Variants in SERINC1 observed in about 807,000 individuals in gnomAD.
SERINC1 encodes serine incorporator 1.
In SERINC1, 38 loss-of-function variants were observed where a neutral mutation model predicts 52.9. The observed-to-expected ratio is 0.72, with a 90% confidence interval of 0.55 to 0.94. The LOEUF is 0.94. Among genes scored for constraint, SERINC1 ranks in the 40% least tolerant of loss-of-function variants. The pLI is 0.00. For missense variants in SERINC1, 471 were observed against 533.9 expected (o/e 0.88, Z 1.16); for synonymous variants, 198 against 183.1 (o/e 1.08, Z -0.66).
At position 122,453,617 on chromosome 6, in the gene SERINC1, C is replaced by G. The variant is rs1166577794; in HGVS notation, c.589+153G>C. Reference sequence around the variant, plus strand: ...AGATCTGCTCACCAAGTTGCTGATACAATGTGATATTTTGACACTCACAAA... The same window carrying G: ...AGATCTGCTCACCAAGTTGCTGATAGAATGTGATATTTTGACACTCACAAA... On this transcript the variant is annotated intron_variant, in intron 5 of 9. Coordinates refer to ENST00000339697, the MANE Select transcript of SERINC1 (RefSeq NM_020755.4). 3.3e-5 allele frequency among the ~76,000 whole-genome samples: 5 copies of G among 152,136 alleles called. No homozygotes were observed. The East Asian group carries it at 9.6e-4, about 29-fold the overall frequency.
chr6:122,451,041 C>T (rs939249156), intron 7 of SERINC1, among the ~76,000 whole-genome samples: 1 of 152,096 alleles, frequency 6.6e-6, no homozygotes, highest in Non-Finnish European at 1.5e-5. Flanking sequence ...GAAGGAAATT[C>T]TACTCTGGGT....
intron 1 of SERINC1, among the ~76,000 whole-genome samples, chr6:122,468,493 C>T (rs1414749950): frequency 6.6e-6 from 1 of 152,064 alleles, no homozygotes; most frequent in Non-Finnish European, 1.5e-5. Flanking sequence ...TTAGAAGAAT[C>T]TTTTTAAGAA....
intron 1 of SERINC1, among the ~76,000 whole-genome samples, chr6:122,460,483 T>TA (rs1477495616): frequency 6.6e-6 from 1 of 152,170 alleles, no homozygotes; most frequent in East Asian, 1.9e-4. Flanking sequence ...TGGGTAAAGA[T>TA]ATCAGAAGGC....
At chr6:122,445,930 G>A (rs1021573128) in intron 9 of SERINC1, among the ~76,000 whole-genome samples, 7 of 143,570 alleles carry the variant, frequency 4.9e-5, no homozygotes, top group South Asian at 4.6e-4. Flanking sequence ...AGCTTAATAC[G>A]CTACAGTGTA....
intron 9 of SERINC1, among the ~76,000 whole-genome samples, chr6:122,445,494 T>C (rs946713026): frequency 1.3e-5 from 2 of 152,132 alleles, no homozygotes; most frequent in African/African-American, 4.8e-5. Context: ...ATAAATGAGA[T>C]GTCACTATTA....
Position 122,447,086 on chromosome 6 carries a change from T to C in SERINC1, c.995+35A>G, listed in dbSNP as rs2277107. 232,282 of 1,591,754 alleles carry C rather than the reference T, an allele frequency of 0.15. 17,932 individuals are homozygous for C. Among genetic ancestry groups the C allele is most frequent in the East Asian group, 0.18 (8,133 of 44,738 alleles). On this transcript the variant is annotated intron_variant, in intron 8 of 9. Coordinates refer to ENST00000339697, the MANE Select transcript of SERINC1 (RefSeq NM_020755.4). ...ATTCATAAATAAACAGCTAGACTTC[T>C]TGTTTAAAGAAAAAAATTCCATAGT...
In SERINC1 at chr6:122,447,141, C is replaced by A; in HGVS notation, c.975G>T (p.Leu325Phe). 6.2e-7 allele frequency: 1 copy of A among 1,613,028 alleles called. No individual in the cohort carries two copies. Among genetic ancestry groups the A allele is most frequent in the Non-Finnish European group, 8.5e-7 (1 of 1,179,370 alleles). The change falls in exon 8 of 10, where the codon TTG becomes TTT. Residue 325 changes from leucine to phenylalanine, a missense_variant. Leu to Phe is a conservative substitution (Grantham distance 22, BLOSUM62 0). Transcript: ENST00000339697. ...CCTACCTGGAATAAAATACACACAACAAAAAGAGAATTAGTCCTATAATTC... is the reference window on the plus strand; with the variant it reads ...CCTACCTGGAATAAAATACACACAAAAAAAAGAGAATTAGTCCTATAATTC... ...AQGIIGLILF[L>F]LCVFYSSIRT...
At chr6:122,454,039 C>A (rs558199659) in intron 4 of SERINC1, 112 bp downstream of exon 4, 2 of 1,104,168 alleles carry the variant, frequency 1.8e-6, no homozygotes, top group African/African-American at 1.6e-5. Flanking sequence ...TGGGGAAACA[C>A]ACACACACAC....
At chr6:122,447,384 G>A (rs978578558) in intron 7 of SERINC1, 119 bp from the exon 8 acceptor site, 4 of 693,962 alleles carry the variant, frequency 5.8e-6, no homozygotes, top group Non-Finnish European at 9.5e-6. Context: ...TGCTGGAAAA[G>A]GCATCAGTAT....
In SERINC1 at chr6:122,452,061, TGAAA is replaced by T. The variant is rs1774919819; in HGVS notation, c.590-8_590-5del. 1.0e-5 allele frequency: 15 copies of T among 1,488,474 alleles called. No individual in the cohort carries two copies. The highest frequency in any genetic ancestry group is 1.3e-5 in the Non-Finnish European group (15 of 1,118,194). 92.2% of individuals were successfully genotyped at this position (1,488,474 alleles called of 1,614,324 possible). A position where few individuals can be genotyped will look rare whatever the true frequency, so the allele number is the denominator to read the frequency against. The stretch of plus-strand genomic sequence containing the variant: ...AGAGCTGTAGCTGATAACAAGGCTG[TGAAA>T]GAAATATAATTGGATAATTAGCTTT... On this transcript the variant is annotated splice_polypyrimidine_tract_variant and splice_region_variant and intron_variant, in intron 5 of 9. Coordinates refer to ENST00000339697, the MANE Select transcript of SERINC1 (RefSeq NM_020755.4).
intron 7 of SERINC1, among the ~76,000 whole-genome samples, chr6:122,451,394 C>G (rs1774901235): frequency 6.6e-6 from 1 of 151,950 alleles, no homozygotes; most frequent in South Asian, 2.1e-4. Context: ...ACTGGGAAAC[C>G]AAAAAATCAT....
chr6:122,445,642 A>G (rs896618199), intron 9 of SERINC1, among the ~76,000 whole-genome samples: 1 of 151,210 alleles, frequency 6.6e-6, no homozygotes, highest in Admixed American at 6.6e-5. Context: ...AAGAATTAAG[A>G]GACTGGGAAG....
intron 1 of SERINC1, among the ~76,000 whole-genome samples, chr6:122,465,633 C>T (rs895852722): frequency 3.9e-5 from 6 of 152,082 alleles, no homozygotes; most frequent in Non-Finnish European, 8.8e-5. Context: ...GATCACTTCA[C>T]GGTAGTCACA....
Position 122,443,623 on chromosome 6 carries a change from C to T in SERINC1, c.*1421G>A, listed in dbSNP as rs1445612115. Reference sequence around the variant, plus strand: ...AATTACATGGCAGTAAATACAAAAGCATTTTAAACATCTTTTGAACTGTGT... The same window carrying T: ...AATTACATGGCAGTAAATACAAAAGTATTTTAAACATCTTTTGAACTGTGT... On this transcript the variant is annotated 3_prime_UTR_variant, in exon 10 of 10. Transcript: ENST00000339697. 1.3e-5 allele frequency: 2 copies of T among 152,012 alleles called. No homozygotes were observed. Among genetic ancestry groups the T allele is most frequent in the Non-Finnish European group, 2.9e-5 (2 of 68,016 alleles). 9.4% of individuals were successfully genotyped at this position (152,012 alleles called of 1,614,324 possible).
chr6:122,454,025 C>A (rs1774955906), intron 4 of SERINC1, 118 bp from the exon 5 acceptor site: 4 of 1,241,672 alleles, frequency 3.2e-6, no homozygotes, highest in Non-Finnish European at 2.2e-6. Flanking sequence ...TTGATTTTGC[C>A]AACTGGGGAA....
intron 1 of SERINC1, among the ~76,000 whole-genome samples, chr6:122,464,979 C>T (rs1483946027): frequency 6.6e-6 from 1 of 151,956 alleles, no homozygotes; most frequent in Non-Finnish European, 1.5e-5. Context: ...TATTAATTTA[C>T]CTATGTTCAC....
chr6:122,451,770 A>ATATATATATATAT lies in SERINC1; in HGVS notation c.760-17_760-16insATATATATATATA, dbSNP rs1293900980. ...GTTGTGATTCCTACAAAAAAAAAAA[A>ATATATATATATAT]AAAAAAATATATATATATATATATA... On this transcript the variant is annotated splice_polypyrimidine_tract_variant and intron_variant, in intron 6 of 9. Coordinates refer to ENST00000339697, the MANE Select transcript of SERINC1 (RefSeq NM_020755.4). 3.9e-6 allele frequency: 1 copy of ATATATATATATAT among 258,338 alleles called. No homozygotes were observed. Among genetic ancestry groups the ATATATATATATAT allele is most frequent in the East Asian group, 1.4e-4 (1 of 6,912 alleles). The allele number at this position is 258,338 out of a possible 1,614,324, so 16.0% of individuals were successfully genotyped here.
rs1774812472 is a variant in SERINC1 at position 122,446,808 on chromosome 6, G to A, written c.1192C>T (p.Leu398Phe). Residue 398 changes from leucine to phenylalanine, a missense_variant, in exon 9 of 10, where the codon CTT (leucine) becomes TTT (phenylalanine). Leu to Phe is a conservative substitution (Grantham distance 22). Transcript: ENST00000339697. The stretch of plus-strand genomic sequence containing the variant: ...TTGGTAAGGGTCATCATGATATAAA[G>A]TGAAGCCAGGAAAAGCATGAAGTGA... ...FFHFMLFLAS[L>F]YIMMTLTNWY... is the part of the protein sequence containing the mutation. 9.9e-6 allele frequency: 16 copies of A among 1,613,498 alleles called. No individual in the cohort carries two copies. In the South Asian group the frequency reaches 1.6e-4, roughly 17 times the overall value.
intron 1 of SERINC1, among the ~76,000 whole-genome samples, chr6:122,464,662 G>T (rs1775157107): frequency 1.3e-5 from 2 of 152,134 alleles, no homozygotes; most frequent in African/African-American, 2.4e-5. Context: ...AAAAACCAAA[G>T]AACTTAGAGA....
Sources: allele counts gnomAD v4.1 joint callset (sites outside exome capture counted in the v4.1 genomes callset), GRCh38; gene constraint gnomAD v4.1.1; transcripts MANE v1.5; gene names NCBI Gene and HGNC (gene_info 2026-07-23, HGNC 2026-07-21).